FBXO39: variants seen among roughly 807,000 people sequenced by gnomAD.
FBXO39 encodes F-box protein 39, also known as F-box only protein 39.
A neutral mutation model predicts 36.6 loss-of-function variants in FBXO39; 22 were observed. The observed-to-expected ratio is 0.60, with a 90% confidence interval of 0.43 to 0.86. The LOEUF (loss-of-function observed/expected upper bound fraction) is 0.86. Among genes scored for constraint, FBXO39 ranks in the 40% least tolerant of loss-of-function variants. FBXO39 has a pLI of 0.00. For missense variants in FBXO39, 536 were observed against 543.9 expected (o/e 0.99, Z 0.14); for synonymous variants, 206 against 205.8 (o/e 1.00, Z -0.01).
In FBXO39 at chr17:6,780,138, G is replaced by T. The variant is rs373018115; in HGVS notation, c.270G>T (p.Glu90Asp). Residue 90 changes from glutamate to aspartate, a missense_variant, in exon 2 of 4, where the codon GAG becomes GAT. By Grantham distance (45) the Glu-to-Asp change is conservative. Transcript: ENST00000321535. Reference protein sequence around the residue: ...WYVKKFGRYLEHLEVKFMNPY... With the variant: ...WYVKKFGRYLDHLEVKFMNPY... ...TTAAGAAGTTTGGTCGTTATCTGGA[G>T]CACCTGGAGGTCAAATTCATGAATC... The T allele has an allele frequency of 1.9e-6, 3 of 1,614,210 alleles. No homozygotes were observed. The highest frequency in any genetic ancestry group is 3.3e-5 in the Admixed American group (2 of 60,026).
chr17:6,787,289 T>C lies in FBXO39; in HGVS notation c.1201-11T>C, dbSNP rs1335197247. The stretch of plus-strand genomic sequence containing the variant: ...GTGCTCATATGTGGATGTATTTCTC[T>C]GTTGGCACAGGCGAGAATTTATACA... On this transcript the variant is annotated splice_polypyrimidine_tract_variant and intron_variant, in intron 3 of 3. Transcript: ENST00000321535. 52 of 1,613,486 alleles carry C rather than the reference T, an allele frequency of 3.2e-5. No homozygotes were observed. Among genetic ancestry groups the C allele is most frequent in the Non-Finnish European group, 4.3e-5 (51 of 1,179,882 alleles).
At chr17:6,777,447 T>C (rs1004540147) in intron 1 of FBXO39, among the ~76,000 whole-genome samples, 4 of 152,200 alleles carry the variant, frequency 2.6e-5, no homozygotes, top group African/African-American at 4.8e-5. Flanking sequence ...ACTCATTCTT[T>C]TTTATGGCTG....
chr17:6,787,605 T>A lies in FBXO39; in HGVS notation c.*177T>A. On this transcript the variant is annotated 3_prime_UTR_variant, in exon 4 of 4. Transcript: ENST00000321535. ...GCAAAGGCTGAGACTGCCCATGACC[T>A]GAAGGCTCCAGGTGGCTTTAAAGCG... The A allele has an allele frequency of 3.3e-6, 2 of 614,384 alleles. No individual in the cohort carries two copies. Among genetic ancestry groups the A allele is most frequent in the South Asian group, 2.1e-5 (1 of 46,796 alleles). The allele number at this position is 614,384 out of a possible 1,614,324, so 38.1% of individuals were successfully genotyped here.
At chr17:6,784,063 T>A (rs1480694368) in intron 2 of FBXO39, among the ~76,000 whole-genome samples, 1 of 152,086 alleles carries the variant, frequency 6.6e-6, no homozygotes, top group East Asian at 1.9e-4. Flanking sequence ...AGATCATTCA[T>A]CCTGACCAAG....
intron 2 of FBXO39, among the ~76,000 whole-genome samples, chr17:6,784,042 A>G (rs1485333367): frequency 6.6e-6 from 1 of 152,248 alleles, no homozygotes; most frequent in South Asian, 2.1e-4. Flanking sequence ...AAATTCGACA[A>G]CACATTACAA....
chr17:6,778,143 A>T (rs976676609), intron 1 of FBXO39, among the ~76,000 whole-genome samples: 1 of 152,228 alleles, frequency 6.6e-6, no homozygotes, highest in African/African-American at 2.4e-5. Context: ...CAGCTGCTAG[A>T]CGCAATGGGT....
At chr17:6,777,602 G>T (rs562394245) in intron 1 of FBXO39, among the ~76,000 whole-genome samples, 1 of 152,304 alleles carries the variant, frequency 6.6e-6, no homozygotes, top group East Asian at 1.9e-4. Context: ...GCTTTGCTTG[G>T]TGGTGAGTGC....
At chr17:6,786,058 T>A (rs1370856805) in intron 2 of FBXO39, among the ~76,000 whole-genome samples, 1 of 152,224 alleles carries the variant, frequency 6.6e-6, no homozygotes, top group Non-Finnish European at 1.5e-5. Context: ...CACTCTCATG[T>A]TTATTGCAGC....
rs200028986 is a variant in FBXO39, at chr17:6,787,537, C to G, written c.*109C>G. 6.0e-6 allele frequency: 8 copies of G among 1,337,860 alleles called. No individual in the cohort carries two copies. The South Asian group carries it at 8.3e-5, about 14-fold the overall frequency. 82.9% of individuals were successfully genotyped at this position (1,337,860 alleles called of 1,614,324 possible). ...CCCTTTTGCTCCTCTCTCTCCCCTC[C>G]ACTTTTTTTTTTTGTCAGCTCCATG... is the stretch of plus-strand genomic sequence containing the variant. On this transcript the variant is annotated 3_prime_UTR_variant, in exon 4 of 4. Coordinates refer to ENST00000321535, the MANE Select transcript of FBXO39 (RefSeq NM_153230.3).
intron 1 of FBXO39, among the ~76,000 whole-genome samples, chr17:6,778,005 G>A (rs1348212852): frequency 2.0e-5 from 3 of 152,140 alleles, no homozygotes; most frequent in Non-Finnish European, 4.4e-5. Context: ...TCCCTAGGGA[G>A]GCCCACAACT....
At chr17:6,782,868 G>A (rs1428514728) in intron 2 of FBXO39, among the ~76,000 whole-genome samples, 1 of 151,982 alleles carries the variant, frequency 6.6e-6, no homozygotes, top group Non-Finnish European at 1.5e-5. Flanking sequence ...AGATCTTCAA[G>A]ACACAAAATC....
intron 1 of FBXO39, among the ~76,000 whole-genome samples, chr17:6,778,771 T>C (rs1274317539): frequency 6.6e-6 from 1 of 152,222 alleles, no homozygotes; most frequent in East Asian, 1.9e-4. Flanking sequence ...AAAATATCTA[T>C]GGATGAAGCA....
chr17:6,781,541 C>T (rs1385526341), intron 2 of FBXO39, among the ~76,000 whole-genome samples: 1 of 152,112 alleles, frequency 6.6e-6, no homozygotes, highest in Non-Finnish European at 1.5e-5. Flanking sequence ...CTCCAAGGTG[C>T]TAATACCTCA....
intron 2 of FBXO39, among the ~76,000 whole-genome samples, chr17:6,783,234 A>G (rs1976530085): frequency 6.6e-6 from 1 of 152,134 alleles, no homozygotes; most frequent in Non-Finnish European, 1.5e-5. Context: ...ATGCAGACAC[A>G]GCTACCAAAA....
At chr17:6,778,158 T>C (rs1036146291) in intron 1 of FBXO39, among the ~76,000 whole-genome samples, 2 of 152,078 alleles carry the variant, frequency 1.3e-5, no homozygotes, top group Non-Finnish European at 2.9e-5. Context: ...ATGGGTGAAA[T>C]GTACACAGAG....
At chr17:6,780,940 C>T (rs1321306047) in intron 2 of FBXO39, 49 bp downstream of exon 2, 3 of 1,551,168 alleles carry the variant, frequency 1.9e-6, no homozygotes, top group South Asian at 1.2e-5. Context: ...ACTGGCTTCC[C>T]CAGAAGAAAG....
chr17:6,784,929 A>ATGTGTG (rs3071470), intron 2 of FBXO39, among the ~76,000 whole-genome samples: 2 of 136,214 alleles, frequency 1.5e-5, no homozygotes, highest in Non-Finnish European at 3.1e-5. Flanking sequence ...ATATATATAT[A>ATGTGTG]TGTGTGTGTG....
Position 6,780,775 on chromosome 17 carries a change from T to C in FBXO39, c.907T>C (p.Leu303=). 1.9e-6 allele frequency: 3 copies of C among 1,614,146 alleles called. No individual in the cohort carries two copies. Among genetic ancestry groups the C allele is most frequent in the Non-Finnish European group, 2.5e-6 (3 of 1,180,026 alleles). ...MKYERLARIL[L]QEIPIRSISL... ...GTACGAACGCTTGGCCCGAATCCTC[T>C]TGCAGGAGATCCCGATCAGGAGCAT... Residue 303 remains leucine, a synonymous_variant, in exon 2 of 4, where the codon TTG becomes CTG. Transcript: ENST00000321535.
At chr17:6,784,929 A>ATATATATATATATG (rs1491434533) in intron 2 of FBXO39, among the ~76,000 whole-genome samples, 24 of 136,258 alleles carry the variant, frequency 1.8e-4, no homozygotes, top group Middle Eastern at 3.6e-3. Context: ...ATATATATAT[A>ATATATATATATATG]TGTGTGTGTG....
Sources: allele counts gnomAD v4.1 joint callset (sites outside exome capture counted in the v4.1 genomes callset), GRCh38; gene constraint gnomAD v4.1.1; transcripts MANE v1.5; gene names NCBI Gene and HGNC (gene_info 2026-07-23, HGNC 2026-07-21).